FSTL5: variants seen among roughly 807,000 people sequenced by gnomAD.
FSTL5 encodes the protein follistatin-related protein 5.
FSTL5 carries 62 observed loss-of-function variants against 89.1 expected under a neutral mutation model. The observed-to-expected ratio is 0.70, with a 90% CI of 0.57 to 0.86. FSTL5 has a LOEUF of 0.86. FSTL5 is among the 40% of genes least tolerant of loss of function. The probability of loss-of-function intolerance (pLI) is 0.00; values close to 1 mark genes in which losing one functional copy is unlikely to be tolerated. For synonymous variants in FSTL5, 383 were observed against 346.2 expected (o/e 1.11, Z -1.18); for missense variants, 1,057 against 1,001.6 (o/e 1.06, Z -0.75).
chr4:161,522,562 C>G, intron 10 of FSTL5, among the ~76,000 whole-genome samples: 1 of 151,190 alleles, frequency 6.6e-6, no homozygotes. Context: ...ATACATATTA[C>G]ATACATATAT....
intron 15 of FSTL5, among the ~76,000 whole-genome samples, chr4:161,420,779 A>T (rs1272120755): frequency 6.6e-6 from 1 of 150,636 alleles, no homozygotes; most frequent in African/African-American, 2.4e-5. Flanking sequence ...TAGCATATAT[A>T]TTTTCATGTA....
chr4:161,390,230 A>T (rs1322971575), intron 15 of FSTL5, among the ~76,000 whole-genome samples: 2 of 152,096 alleles, frequency 1.3e-5, no homozygotes, highest in African/African-American at 2.4e-5. Flanking sequence ...AGATGATGGG[A>T]TTTAAAATAG....
intron 4 of FSTL5, among the ~76,000 whole-genome samples, chr4:161,889,255 T>G (rs1214986015): frequency 6.6e-6 from 1 of 152,164 alleles, no homozygotes; most frequent in African/African-American, 2.4e-5. Context: ...GAAGATCCTA[T>G]TTTATTATAA....
chr4:161,926,473 A>G (rs2110881004), intron 3 of FSTL5, among the ~76,000 whole-genome samples: 1 of 150,608 alleles, frequency 6.6e-6, no homozygotes, highest in African/African-American at 2.4e-5. Flanking sequence ...CCAGAGATCC[A>G]GGTAATTTGC....
At chr4:161,956,927 AAATTTAT>A (rs1374437826) in intron 3 of FSTL5, among the ~76,000 whole-genome samples, 14 of 151,974 alleles carry the variant, frequency 9.2e-5, no homozygotes, top group Admixed American at 9.2e-4. Context: ...TACATACATA[AAATTTAT>A]AAGCATACTT....
chr4:162,161,493 T>A (rs918185093), intron 1 of FSTL5, among the ~76,000 whole-genome samples: 2 of 152,002 alleles, frequency 1.3e-5, no homozygotes, highest in African/African-American at 4.8e-5. Context: ...ACATTTGCAA[T>A]CTCACTGAGT....
chr4:161,689,185 C>T (rs758622542), intron 6 of FSTL5, among the ~76,000 whole-genome samples: 6 of 152,064 alleles, frequency 3.9e-5, no homozygotes, highest in Non-Finnish European at 8.8e-5. Flanking sequence ...CTTCACTTTC[C>T]TGGGATAGAA....
At chr4:162,138,532 A>T (rs1398045309) in intron 1 of FSTL5, among the ~76,000 whole-genome samples, 1 of 152,148 alleles carries the variant, frequency 6.6e-6, no homozygotes, top group Non-Finnish European at 1.5e-5. Flanking sequence ...AAAAATATCA[A>T]GACTCTCATA....
intron 10 of FSTL5, among the ~76,000 whole-genome samples, chr4:161,518,664 T>C (rs1203925693): frequency 6.6e-6 from 1 of 152,190 alleles, no homozygotes; most frequent in Non-Finnish European, 1.5e-5. Flanking sequence ...GTAAGAATTG[T>C]TGCTAAGTCA....
intron 12 of FSTL5, among the ~76,000 whole-genome samples, chr4:161,489,439 T>C (rs1331240447): frequency 1.3e-5 from 2 of 152,162 alleles, no homozygotes; most frequent in East Asian, 1.9e-4. Flanking sequence ...AAAGCCAATA[T>C]TAAAGCATTA....
chr4:161,888,133 C>T (rs1732873375), intron 4 of FSTL5, among the ~76,000 whole-genome samples: 1 of 152,094 alleles, frequency 6.6e-6, no homozygotes. Context: ...TTCCCAAACC[C>T]ATTTCTTTTC....
chr4:161,935,080 T>A (rs1734395109), intron 3 of FSTL5, among the ~76,000 whole-genome samples: 1 of 152,106 alleles, frequency 6.6e-6, no homozygotes, highest in South Asian at 2.1e-4. Flanking sequence ...ATATTTCATA[T>A]ATTTTAGGCA....
At chr4:161,927,187 T>C (rs1019634852) in intron 3 of FSTL5, among the ~76,000 whole-genome samples, 1 of 151,608 alleles carries the variant, frequency 6.6e-6, no homozygotes, top group Non-Finnish European at 1.5e-5. Flanking sequence ...TTAACATAAA[T>C]AAAAATAGTA....
intron 8 of FSTL5, among the ~76,000 whole-genome samples, chr4:161,566,392 A>G (rs1191404289): frequency 1.3e-5 from 2 of 152,016 alleles, no homozygotes; most frequent in East Asian, 3.9e-4. Context: ...CATCTTTACT[A>G]TTGTGAATAG....
At chr4:162,027,038 G>C (rs1202330476) in intron 3 of FSTL5, among the ~76,000 whole-genome samples, 1 of 152,100 alleles carries the variant, frequency 6.6e-6, no homozygotes, top group Admixed American at 6.5e-5. Flanking sequence ...TTATGTGTTT[G>C]CATAACATGA....
chr4:161,610,324 T>C (rs1578964318), intron 7 of FSTL5, among the ~76,000 whole-genome samples: 2 of 152,152 alleles, frequency 1.3e-5, no homozygotes, highest in African/African-American at 4.8e-5. Flanking sequence ...GTCTTTATTA[T>C]AGAATCTTTA....
At chr4:161,822,643 C>T (rs1205151204) in intron 4 of FSTL5, among the ~76,000 whole-genome samples, 1 of 152,178 alleles carries the variant, frequency 6.6e-6, no homozygotes, top group Non-Finnish European at 1.5e-5. Context: ...CTGGGCTCCC[C>T]AAAGGGCCAT....
chr4:161,540,663 T>C (rs916073491), intron 9 of FSTL5, among the ~76,000 whole-genome samples: 2 of 152,058 alleles, frequency 1.3e-5, no homozygotes, highest in African/African-American at 4.8e-5. Context: ...TCTCCATCAG[T>C]TCTAAGCCTC....
At chr4:161,921,023 A>T (rs540551155) in intron 3 of FSTL5, among the ~76,000 whole-genome samples, 1 of 152,278 alleles carries the variant, frequency 6.6e-6, no homozygotes, top group South Asian at 2.1e-4. Context: ...CATCTGTAAC[A>T]TGGGAATAAT....
Sources: allele counts gnomAD v4.1 joint callset (sites outside exome capture counted in the v4.1 genomes callset), GRCh38; gene constraint gnomAD v4.1.1; transcripts MANE v1.5; gene names NCBI Gene and HGNC (gene_info 2026-07-23, HGNC 2026-07-21).